KREMEN1: variants seen among roughly 807,000 people sequenced by gnomAD.
KREMEN1 encodes kringle containing transmembrane protein 1.
KREMEN1 carries 30 observed loss-of-function variants against 46.5 expected under a neutral mutation model. The ratio of observed to expected loss-of-function variants is 0.65; its 90% confidence interval spans 0.48 to 0.88. The LOEUF (loss-of-function observed/expected upper bound fraction) is 0.88, where lower values mean the gene tolerates loss of function less well. Among genes scored for constraint, KREMEN1 ranks in the 40% least tolerant of loss-of-function variants. KREMEN1 has a pLI of 0.00. For synonymous variants in KREMEN1, 214 were observed against 230.6 expected (o/e 0.93, Z 0.65); for missense variants, 533 against 596.9 (o/e 0.89, Z 1.11).
chr22:29,147,989 G>A (rs1254669942), downstream of KREMEN1, among the ~76,000 whole-genome samples: 1 of 152,234 alleles, frequency 6.6e-6, no homozygotes, highest in African/African-American at 2.4e-5. Context: ...TCCATCAAAG[G>A]TAGATGTTCC....
intron 5 of KREMEN1, among the ~76,000 whole-genome samples, chr22:29,131,560 A>ATATGTGTG (rs1240832937): frequency 7.0e-4 from 49 of 69,884 alleles, no homozygotes; most frequent in African/African-American, 2.0e-3. Context: ...ATATATATAT[A>ATATGTGTG]TGTGTGTGTG....
In KREMEN1 at chr22:29,144,772, G is replaced by T; in HGVS notation, c.*2660G>T. On this transcript the variant is annotated 3_prime_UTR_variant, in exon 9 of 9. Transcript: ENST00000400335. The stretch of plus-strand genomic sequence containing the variant: ...CTGACACTGACCACTGGCCTCTGGG[G>T]TGTCCTGCAGCCCAAATGCCCACCT... 1 of 985,526 alleles carries T rather than the reference G, an allele frequency of 1.0e-6. No individual in the cohort carries two copies. The highest frequency in any genetic ancestry group is 1.2e-6 in the Non-Finnish European group (1 of 829,974). The allele number at this position is 985,526 out of a possible 1,614,324, so 61.0% of individuals were successfully genotyped here.
In KREMEN1 at chr22:29,155,698, C is replaced by T. The variant is rs150368309; in HGVS notation, c.1417-11346C>T. Reference sequence around the variant, plus strand: ...TGGAGGCTGGGCCCGGTGGCTCACACCTGTAATTCCAGCACTTTGAGAGGC... The same window carrying T: ...TGGAGGCTGGGCCCGGTGGCTCACATCTGTAATTCCAGCACTTTGAGAGGC... On this transcript the variant is annotated intron_variant, in intron 9 of 9. Coordinates refer to the KREMEN1 transcript ENST00000327813. 2.9e-3 allele frequency among the ~76,000 whole-genome samples: 439 copies of T among 152,252 alleles called. 1 individual carries two copies. The highest frequency in any genetic ancestry group is 0.01 in the African/African-American group (425 of 41,542).
chr22:29,088,927 C>T (rs2037769104), intron 1 of KREMEN1, among the ~76,000 whole-genome samples: 1 of 152,100 alleles, frequency 6.6e-6, no homozygotes, highest in African/African-American at 2.4e-5. Flanking sequence ...CATACTCTAC[C>T]ACATTGTTGC....
chr22:29,144,987 G>A lies in KREMEN1; in HGVS notation c.*2875G>A. 6 of 985,510 alleles carry A rather than the reference G, an allele frequency of 6.1e-6. No individual in the cohort carries two copies. Among genetic ancestry groups the A allele is most frequent in the Non-Finnish European group, 7.2e-6 (6 of 829,996 alleles). The allele number at this position is 985,510 out of a possible 1,614,324, so 61.0% of individuals were successfully genotyped here. A position where few individuals can be genotyped will look rare whatever the true frequency, so the allele number is the denominator to read the frequency against. ...CTTACGATCCGTGGAGCAGCCCCGG[G>A]AAACCCAAATCTGGCTCAGGACAGC... On this transcript the variant is annotated 3_prime_UTR_variant, in exon 9 of 9. Transcript: ENST00000400335.
At chr22:29,090,976 A>ATTTC (rs2037795111) in intron 1 of KREMEN1, among the ~76,000 whole-genome samples, 1 of 151,574 alleles carries the variant, frequency 6.6e-6, no homozygotes, top group Admixed American at 6.6e-5. Flanking sequence ...TGTGCATTTT[A>ATTTC]TTTATTTATT....
Position 29,140,277 on chromosome 22 carries a change from TG to T in KREMEN1, c.1124-4del, listed in dbSNP as rs780549838. Reference sequence around the variant, plus strand: ...TCTGGTAAGCTCTGTCTTTTGCACTTGCAGGATGGACAGTCTATGGTCTGGC... The same window carrying T: ...TCTGGTAAGCTCTGTCTTTTGCACTTCAGGATGGACAGTCTATGGTCTGGC... On this transcript the variant is annotated splice_polypyrimidine_tract_variant and splice_region_variant and intron_variant, in intron 7 of 8. Transcript: ENST00000400335. 2 of 1,613,070 alleles carry T rather than the reference TG, an allele frequency of 1.2e-6. No homozygotes were observed. Among genetic ancestry groups the T allele is most frequent in the South Asian group, 2.2e-5 (2 of 91,044 alleles).
rs532463834 is a variant in KREMEN1, at chr22:29,110,091, T to G, written c.352+11138T>G. Among the ~76,000 whole-genome samples the G allele has an allele frequency of 5.9e-5, 9 of 152,342 alleles. No homozygotes were observed. The East Asian group carries it at 1.7e-3, about 29-fold the overall frequency. The stretch of plus-strand genomic sequence containing the variant: ...ATGAGCCATCCCCAGCCGCAGTGAC[T>G]TAAGCGCCAACAGTTTATCATTTCT... On this transcript the variant is annotated intron_variant, in intron 3 of 8. Transcript: ENST00000400335.
chr22:29,131,807 A>G (rs942795469), intron 5 of KREMEN1, among the ~76,000 whole-genome samples: 16 of 143,686 alleles, frequency 1.1e-4, no homozygotes, highest in African/African-American at 3.6e-4. Flanking sequence ...AGAATATTAT[A>G]TAAATGGAAT....
intron 7 of KREMEN1, 99 bp downstream of exon 7, chr22:29,138,881 A>T: frequency 6.4e-7 from 1 of 1,556,016 alleles, no homozygotes; most frequent in Non-Finnish European, 8.9e-7. Context: ...GGTGTTTCTT[A>T]TTCAGAGGCA....
intron 8 of KREMEN1, 51 bp from the exon 9 acceptor site, chr22:29,141,893 G>GT: frequency 3.5e-6 from 5 of 1,411,136 alleles, no homozygotes; most frequent in Non-Finnish European, 4.8e-6. Context: ...GAGATGGTAG[G>GT]TTGTTTGCGT....
At chr22:29,101,270 A>T (rs1309377719) in intron 3 of KREMEN1, among the ~76,000 whole-genome samples, 2 of 151,742 alleles carry the variant, frequency 1.3e-5, no homozygotes, top group African/African-American at 2.4e-5. Flanking sequence ...AAAAAAAAAA[A>T]AAAAAGGATG....
At chr22:29,131,710 G>A (rs6006012) in intron 5 of KREMEN1, among the ~76,000 whole-genome samples, 1 of 125,444 alleles carries the variant, frequency 8.0e-6, no homozygotes, top group African/African-American at 3.6e-5. Context: ...GTATATATAT[G>A]TATATATGTA....
intron 3 of KREMEN1, among the ~76,000 whole-genome samples, chr22:29,107,505 C>A (rs1331843768): frequency 6.6e-6 from 1 of 152,062 alleles, no homozygotes; most frequent in Admixed American, 6.5e-5. Flanking sequence ...CAGGCATGAG[C>A]CACCACACTT....
intron 7 of KREMEN1, 97 bp downstream of exon 7, chr22:29,138,879 T>G: frequency 1.3e-6 from 2 of 1,565,384 alleles, no homozygotes; most frequent in Non-Finnish European, 1.8e-6. Flanking sequence ...TGGGTGTTTC[T>G]TATTCAGAGG....
At chr22:29,121,125 G>A (rs372139120) in intron 3 of KREMEN1, among the ~76,000 whole-genome samples, 63 of 148,928 alleles carry the variant, frequency 4.2e-4, no homozygotes, top group African/African-American at 1.5e-3. Flanking sequence ...ATACGTATTC[G>A]GTTAGTTAAA....
intron 3 of KREMEN1, among the ~76,000 whole-genome samples, chr22:29,118,235 C>T (rs969856776): frequency 4.6e-5 from 7 of 152,106 alleles, no homozygotes; most frequent in South Asian, 2.1e-4. Flanking sequence ...ATATGCAAAG[C>T]GAGAAAACAA....
intron 3 of KREMEN1, among the ~76,000 whole-genome samples, chr22:29,110,387 G>A (rs1182299599): frequency 6.6e-6 from 1 of 152,232 alleles, no homozygotes; most frequent in Non-Finnish European, 1.5e-5. Context: ...CAAGTGGCAA[G>A]GCCCGATTTA....
intron 2 of KREMEN1, 82 bp downstream of exon 2, chr22:29,094,502 A>G (rs1569316020): frequency 7.5e-7 from 1 of 1,334,266 alleles, no homozygotes; most frequent in Non-Finnish European, 1.0e-6. Flanking sequence ...CCAGCTCACA[A>G]CTAGGGGAAG....
Sources: allele counts gnomAD v4.1 joint callset (sites outside exome capture counted in the v4.1 genomes callset), GRCh38; gene constraint gnomAD v4.1.1; transcripts MANE v1.5; gene names NCBI Gene and HGNC (gene_info 2026-07-23, HGNC 2026-07-21).